The following ADAM12 variants were observed in gnomAD, a reference collection of about 807,000 sequenced individuals.
ADAM12 encodes the protein ADAM metallopeptidase domain 12.
ADAM12 carries 70 observed loss-of-function variants against 106.4 expected under a neutral mutation model. The observed-to-expected ratio is 0.66, with a 90% CI of 0.54 to 0.80. The LOEUF (loss-of-function observed/expected upper bound fraction) is 0.80. Ranked by LOEUF, ADAM12 falls within the 30% of genes least tolerant of loss-of-function variation. The pLI is 0.00. For missense variants in ADAM12, 1,010 were observed against 1,171.9 expected (o/e 0.86, Z 2.02); for synonymous variants, 420 against 433.5 (o/e 0.97, Z 0.39).
intron 2 of ADAM12, among the ~76,000 whole-genome samples, chr10:126,285,261 C>CA (rs1959797579): frequency 6.6e-6 from 1 of 152,084 alleles, no homozygotes; most frequent in Non-Finnish European, 1.5e-5. Flanking sequence ...ACAAAGGTGA[C>CA]AAAAAAAGTC....
chr10:126,061,735 TG>T (rs1356217304), intron 14 of ADAM12, among the ~76,000 whole-genome samples: 6 of 152,170 alleles, frequency 3.9e-5, no homozygotes, highest in African/African-American at 9.7e-5. Flanking sequence ...GGAATGCAAG[TG>T]GCCTCTAAAA....
intron 11 of ADAM12, among the ~76,000 whole-genome samples, chr10:126,072,855 A>G (rs751928007): frequency 5.9e-5 from 9 of 152,184 alleles, no homozygotes; most frequent in Admixed American, 3.3e-4. Context: ...GGAGACATTT[A>G]TAAGGATGAC....
intron 11 of ADAM12, among the ~76,000 whole-genome samples, chr10:126,075,339 A>C (rs1353834087): frequency 1.3e-5 from 2 of 152,142 alleles, no homozygotes; most frequent in African/African-American, 4.8e-5. Context: ...TAGAGGAAGA[A>C]AATCAGAACA....
rs374507553 is a variant in ADAM12, at chr10:126,140,904, C to T, written c.340-5244G>A. Among the ~76,000 whole-genome samples, 161 of 152,274 alleles carry T rather than the reference C, an allele frequency of 1.1e-3. 5 individuals are homozygous for T. In the South Asian group the frequency reaches 0.016, roughly 15 times the overall value. ...CAACCCCTGGGGGTGGGGGGTGACCCTCTTAGCCAGTGACAAAGGCAGAGA... is the reference window on the plus strand; with the variant it reads ...CAACCCCTGGGGGTGGGGGGTGACCTTCTTAGCCAGTGACAAAGGCAGAGA... On this transcript the variant is annotated intron_variant, in intron 4 of 22. Coordinates refer to ENST00000448723, the MANE Select transcript of ADAM12 (RefSeq NM_001288973.2).
At chr10:126,299,795 C>T (rs1027997961) in intron 2 of ADAM12, among the ~76,000 whole-genome samples, 1 of 152,146 alleles carries the variant, frequency 6.6e-6, no homozygotes, top group Non-Finnish European at 1.5e-5. Context: ...AGGTGCCCAC[C>T]ACCACGCCTG....
At chr10:126,075,087 C>T (rs565187242) in intron 11 of ADAM12, among the ~76,000 whole-genome samples, 1 of 152,288 alleles carries the variant, frequency 6.6e-6, no homozygotes, top group Admixed American at 6.5e-5. Flanking sequence ...GCCATTTCCT[C>T]GGACTGGGTC....
chr10:126,284,383 AGCAGCCATG>A (rs1449265608), intron 2 of ADAM12, among the ~76,000 whole-genome samples: 1 of 148,198 alleles, frequency 6.7e-6, no homozygotes, highest in Non-Finnish European at 1.5e-5. Flanking sequence ...CCGTATCTGT[AGCAGCCATG>A]TGGAGATCTG....
chr10:126,327,232 G>A lies in ADAM12; in HGVS notation c.186+3180C>T, dbSNP rs370092730. 9.2e-5 allele frequency among the ~76,000 whole-genome samples: 14 copies of A among 152,272 alleles called. 1 individual carries two copies. The highest frequency in any genetic ancestry group is 2.6e-4 in the African/African-American group (11 of 41,556). Reference sequence around the variant, plus strand: ...AGTTTGTCTTCACACTCTAGGATGCGGATGTGAGGAATGCCTCTGAGGTTT... The same window carrying A: ...AGTTTGTCTTCACACTCTAGGATGCAGATGTGAGGAATGCCTCTGAGGTTT... On this transcript the variant is annotated intron_variant, in intron 2 of 22. Transcript: ENST00000448723.
At chr10:126,069,281 CA>C (rs1318847202) in intron 12 of ADAM12, among the ~76,000 whole-genome samples, 1 of 151,336 alleles carries the variant, frequency 6.6e-6, no homozygotes, top group Admixed American at 6.6e-5. Context: ...TTTTGAAAAG[CA>C]AAAAATAAAA....
chr10:126,266,106 A>T (rs1468324536), intron 3 of ADAM12, among the ~76,000 whole-genome samples: 2 of 152,182 alleles, frequency 1.3e-5, no homozygotes, highest in African/African-American at 4.8e-5. Context: ...ATAGCAATTA[A>T]CTGTTGCATG....
intron 11 of ADAM12, among the ~76,000 whole-genome samples, chr10:126,081,251 A>G (rs1472067305): frequency 6.6e-6 from 1 of 152,168 alleles, no homozygotes; most frequent in African/African-American, 2.4e-5. Context: ...CCGAGGAAGA[A>G]GGATGGAACA....
At chr10:126,312,556 G>A (rs1961155978) in intron 2 of ADAM12, among the ~76,000 whole-genome samples, 1 of 152,152 alleles carries the variant, frequency 6.6e-6, no homozygotes, top group South Asian at 2.1e-4. Context: ...TGGGTGGTCA[G>A]GGAAAGCTTC....
At chr10:126,306,937 T>C (rs1237409551) in intron 2 of ADAM12, among the ~76,000 whole-genome samples, 1 of 152,200 alleles carries the variant, frequency 6.6e-6, no homozygotes, top group African/African-American at 2.4e-5. Flanking sequence ...CATTATCTCC[T>C]TAGACATTGC....
intron 3 of ADAM12, among the ~76,000 whole-genome samples, chr10:126,217,512 A>G (rs766378582): frequency 4.6e-5 from 7 of 151,558 alleles, no homozygotes; most frequent in Non-Finnish European, 7.4e-5. Flanking sequence ...GGATTACAGG[A>G]ATGCACCACC....
At chr10:126,085,887 T>C (rs1347155213) in intron 11 of ADAM12, among the ~76,000 whole-genome samples, 1 of 152,188 alleles carries the variant, frequency 6.6e-6, no homozygotes, top group Non-Finnish European at 1.5e-5. Flanking sequence ...TTCCTGACCT[T>C]GTGGAGCTGA....
At chr10:126,279,682 G>T (rs1959464483) in intron 2 of ADAM12, among the ~76,000 whole-genome samples, 2 of 151,072 alleles carry the variant, frequency 1.3e-5, no homozygotes, top group Non-Finnish European at 2.9e-5. Flanking sequence ...AGCCAAGATT[G>T]CACCATTGCA....
At chr10:126,178,222 A>G (rs546571487) in intron 3 of ADAM12, among the ~76,000 whole-genome samples, 1 of 152,164 alleles carries the variant, frequency 6.6e-6, no homozygotes, top group African/African-American at 2.4e-5. Flanking sequence ...CAAAAAAAAA[A>G]ATCCCCATAT....
intron 1 of ADAM12, among the ~76,000 whole-genome samples, chr10:126,344,990 C>G (rs1223731927): frequency 1.3e-5 from 2 of 152,156 alleles, no homozygotes; most frequent in East Asian, 1.9e-4. Flanking sequence ...TTGACTCCCT[C>G]TTTTCCTAAC....
At chr10:126,306,339 A>T (rs1246815649) in intron 2 of ADAM12, among the ~76,000 whole-genome samples, 1 of 152,120 alleles carries the variant, frequency 6.6e-6, no homozygotes, top group Non-Finnish European at 1.5e-5. Flanking sequence ...ATATTATAAT[A>T]GTTGAGCTCT....
Sources: allele counts gnomAD v4.1 joint callset (sites outside exome capture counted in the v4.1 genomes callset), GRCh38; gene constraint gnomAD v4.1.1; transcripts MANE v1.5; gene names NCBI Gene and HGNC (gene_info 2026-07-23, HGNC 2026-07-21).